NELL1: variants seen among roughly 807,000 people sequenced by gnomAD.
The protein encoded by NELL1 is protein kinase C-binding protein NELL1.
A neutral mutation model predicts 107.4 loss-of-function variants in NELL1; 76 were observed. The observed-to-expected ratio is 0.71, with a 90% CI of 0.59 to 0.86. NELL1 has a LOEUF of 0.86. Ranked by LOEUF, NELL1 falls within the 40% of genes least tolerant of loss-of-function variation. NELL1 has a pLI of 0.00. For missense variants in NELL1, 1,024 were observed against 1,005.5 expected (o/e 1.02, Z -0.25); for synonymous variants, 353 against 341.2 (o/e 1.03, Z -0.38).
intron 2 of NELL1, among the ~76,000 whole-genome samples, chr11:20,769,896 G>GA (rs970299352): frequency 2.6e-5 from 4 of 152,144 alleles, no homozygotes; most frequent in African/African-American, 9.7e-5. Context: ...TCAGGGAGCT[G>GA]AAAAGAATAT....
intron 14 of NELL1, among the ~76,000 whole-genome samples, chr11:21,264,866 C>T (rs570098684): frequency 2.6e-5 from 4 of 151,662 alleles, no homozygotes; most frequent in African/African-American, 9.7e-5. Flanking sequence ...TTGCTTTATC[C>T]TATTTAAAAA....
chr11:20,971,219 A>G (rs1107084), intron 12 of NELL1, among the ~76,000 whole-genome samples: 6,408 of 152,234 alleles, frequency 0.042, 211 homozygotes, highest in Middle Eastern at 0.2. Flanking sequence ...ACCTTAAAAA[A>G]TCATGCTGAG....
At position 21,404,009 on chromosome 11, in the gene NELL1, C is replaced by CCCA. The variant is rs1554905729; in HGVS notation, c.1645+33063_1645+33064insACC. On this transcript the variant is annotated intron_variant, in intron 15 of 19. Coordinates refer to ENST00000357134, the MANE Select transcript of NELL1 (RefSeq NM_006157.5). ...AAATATCTCTGTCATTCCTGAACCC[C>CCCA]CCCCCCCGCAATCAAAACCACTGGA... Among the ~76,000 whole-genome samples, 35 of 107,480 alleles carry CCCA rather than the reference C, an allele frequency of 3.3e-4. 1 individual carries two copies. The highest frequency in any genetic ancestry group is 2.2e-4 in the Non-Finnish European group (11 of 50,546). The allele number at this position is 107,480 out of a possible 152,430, so 70.5% of individuals were successfully genotyped here. A position where few individuals can be genotyped will look rare whatever the true frequency, so the allele number is the denominator to read the frequency against.
intron 16 of NELL1, among the ~76,000 whole-genome samples, chr11:21,554,346 C>T (rs2133993922): frequency 6.6e-6 from 1 of 151,978 alleles, no homozygotes; most frequent in Non-Finnish European, 1.5e-5. Flanking sequence ...TTTCACTTAA[C>T]ATCAGATTAA....
rs1004600039 is a variant in NELL1, at chr11:20,988,609, T to A, written c.1300+28049T>A. Among the ~76,000 whole-genome samples the A allele has an allele frequency of 1.3e-5, 2 of 149,284 alleles. 1 individual carries two copies. Among genetic ancestry groups the A allele is most frequent in the South Asian group, 4.2e-4 (2 of 4,732 alleles). ...ACTTTAGAGAGGTTTGTTCTTTTCT[T>A]TTTTTTTTTGAGACGCTGTCACCCA... On this transcript the variant is annotated intron_variant, in intron 12 of 19. Coordinates refer to ENST00000357134, the MANE Select transcript of NELL1 (RefSeq NM_006157.5).
chr11:21,368,285 T>A (rs2133749326), intron 14 of NELL1, among the ~76,000 whole-genome samples: 1 of 151,764 alleles, frequency 6.6e-6, no homozygotes, highest in Middle Eastern at 3.4e-3. Context: ...AGAAATTAGA[T>A]AATAGGTACA....
At chr11:21,207,433 G>A (rs752267899) in intron 13 of NELL1, among the ~76,000 whole-genome samples, 8 of 152,158 alleles carry the variant, frequency 5.3e-5, no homozygotes, top group Non-Finnish European at 7.4e-5. Context: ...ATAGAGGAGA[G>A]TAATGAATCT....
intron 15 of NELL1, among the ~76,000 whole-genome samples, chr11:21,517,591 G>C (rs1044028298): frequency 6.6e-6 from 1 of 152,134 alleles, no homozygotes; most frequent in African/African-American, 2.4e-5. Flanking sequence ...TCAATCCTCT[G>C]TGCCTCTATG....
At chr11:20,958,262 AAATTAGCTGGGCCTGGTGGC>A (rs1188807501) in intron 11 of NELL1, among the ~76,000 whole-genome samples, 1 of 152,204 alleles carries the variant, frequency 6.6e-6, no homozygotes, top group African/African-American at 2.4e-5. Context: ...TCCAAAAAAA[AAATTAGCTGGGCCTGGTGGC>A]ACGCACCTCT....
chr11:21,100,253 G>A (rs1038410912), intron 12 of NELL1, among the ~76,000 whole-genome samples: 1 of 152,086 alleles, frequency 6.6e-6, no homozygotes, highest in African/African-American at 2.4e-5. Flanking sequence ...CCTGAGCTCA[G>A]GCAATCCTCC....
At chr11:21,289,485 T>C (rs930926791) in intron 14 of NELL1, among the ~76,000 whole-genome samples, 4 of 152,206 alleles carry the variant, frequency 2.6e-5, no homozygotes, top group African/African-American at 7.2e-5. Flanking sequence ...CTGACCCAGA[T>C]ACTATGCTTT....
At chr11:20,884,360 G>A (rs898340103) in intron 4 of NELL1, among the ~76,000 whole-genome samples, 3 of 152,184 alleles carry the variant, frequency 2.0e-5, no homozygotes, top group African/African-American at 7.2e-5. Flanking sequence ...TGAGCTGTCC[G>A]TACCTCTGGA....
intron 14 of NELL1, among the ~76,000 whole-genome samples, chr11:21,239,589 A>G (rs1011527552): frequency 6.6e-6 from 1 of 152,086 alleles, no homozygotes; most frequent in Non-Finnish European, 1.5e-5. Flanking sequence ...TTTAAGTTTT[A>G]GCCATAAATA....
chr11:21,297,410 G>A (rs1849398256), intron 14 of NELL1, among the ~76,000 whole-genome samples: 1 of 151,948 alleles, frequency 6.6e-6, no homozygotes, highest in Non-Finnish European at 1.5e-5. Flanking sequence ...TTTATGATAA[G>A]CTTCAGAAAA....
intron 18 of NELL1, among the ~76,000 whole-genome samples, chr11:21,572,175 G>A (rs1857113641): frequency 6.6e-6 from 1 of 151,804 alleles, no homozygotes; most frequent in African/African-American, 2.4e-5. Flanking sequence ...TTTCCAAGAA[G>A]CTAATCATCA....
intron 13 of NELL1, among the ~76,000 whole-genome samples, chr11:21,114,992 A>G (rs559371303): frequency 2.0e-5 from 3 of 152,118 alleles, no homozygotes; most frequent in Non-Finnish European, 2.9e-5. Flanking sequence ...GCACCATATT[A>G]TGCAACTTAA....
chr11:21,106,980 A>G (rs1854984950), intron 12 of NELL1, among the ~76,000 whole-genome samples: 1 of 152,054 alleles, frequency 6.6e-6, no homozygotes, highest in African/African-American at 2.4e-5. Context: ...GTGTGCCTCG[A>G]TGTTTTTATT....
At chr11:21,139,255 C>A (rs1475333515) in intron 13 of NELL1, among the ~76,000 whole-genome samples, 1 of 152,202 alleles carries the variant, frequency 6.6e-6, no homozygotes, top group Non-Finnish European at 1.5e-5. Flanking sequence ...GCTGCCATGA[C>A]TGGTGAAGCC....
chr11:20,672,690 TGCTTTGGCAGTGTG>T (rs1430039570), intron 1 of NELL1, among the ~76,000 whole-genome samples: 1 of 152,162 alleles, frequency 6.6e-6, no homozygotes, highest in African/African-American at 2.4e-5. Flanking sequence ...TTTTCACCAA[TGCTTTGGCAGTGTG>T]AATAATTGAA....
Sources: gnomAD v4.1 joint callset for allele counts (sites outside exome capture counted in the v4.1 genomes callset) on GRCh38, gnomAD v4.1.1 for gene constraint, MANE v1.5 for transcripts, NCBI Gene and HGNC (gene_info 2026-07-23, HGNC 2026-07-21) for gene names.